AGTPBP1: variants seen among roughly 807,000 people sequenced by gnomAD.
AGTPBP1 encodes cytosolic carboxypeptidase 1.
A neutral mutation model predicts 143.9 loss-of-function variants in AGTPBP1; 70 were observed. The observed-to-expected ratio is 0.49, with a 90% CI of 0.40 to 0.59. The LOEUF is 0.59. Ranked by LOEUF, AGTPBP1 falls within the 20% of genes least tolerant of loss-of-function variation. The probability of loss-of-function intolerance (pLI) is 0.00; values close to 1 mark genes in which losing one functional copy is unlikely to be tolerated. For missense variants in AGTPBP1, 1,229 were observed against 1,464.5 expected, an observed-to-expected ratio of 0.84 and a Z score of 2.62; for synonymous variants, 463 against 500.2, an observed-to-expected ratio of 0.93 and a Z score of 0.99.
intron 6 of AGTPBP1, among the ~76,000 whole-genome samples, chr9:85,674,113 A>C (rs1162494808): frequency 3.7e-5 from 5 of 136,644 alleles, no homozygotes; most frequent in African/African-American, 1.4e-4. Flanking sequence ...ACTGAGCAAG[A>C]CTCCATCTTA....
At chr9:85,786,308 C>G in the AGTPBP1 span, 27 of 1,602,478 alleles carry the variant, frequency 1.7e-5, no homozygotes, top group South Asian at 2.8e-4. Flanking sequence ...TCTTTAGCAC[C>G]CCCCAGTGGG....
At position 85,589,533 on chromosome 9, in the gene AGTPBP1, T is replaced by G; in HGVS notation, c.2717A>C (p.His906Pro). Residue 906 changes from histidine to proline, a missense_variant, in exon 20 of 26, where the codon CAT becomes CCT. By Grantham distance (77) the His-to-Pro change is moderately conservative. Transcript: ENST00000357081. ...AGTTGGGAAGACAAACTTACTGAAA[T>G]GGCAGATATGTTCATAATAATTAGA... The part of the protein sequence containing the change: ...PESNYYEHIC[H>P]FRNRPYVFLS... 1 of 1,600,200 alleles carries G rather than the reference T, an allele frequency of 6.2e-7. No homozygotes were observed. Among genetic ancestry groups the G allele is most frequent in the South Asian group, 1.1e-5 (1 of 87,934 alleles).
At chr9:85,607,775 T>C (rs1054911378) in intron 17 of AGTPBP1, among the ~76,000 whole-genome samples, 1 of 152,102 alleles carries the variant, frequency 6.6e-6, no homozygotes, top group African/African-American at 2.4e-5. Context: ...ATTTGTAAAA[T>C]GTTGGAGTTG....
At chr9:85,569,869 T>C (rs1827349531) in intron 25 of AGTPBP1, among the ~76,000 whole-genome samples, 1 of 152,218 alleles carries the variant, frequency 6.6e-6, no homozygotes, top group African/African-American at 2.4e-5. Context: ...TAAAGACATA[T>C]ACAATTACTA....
intron 17 of AGTPBP1, among the ~76,000 whole-genome samples, chr9:85,599,677 T>G (rs1312373933): frequency 6.6e-6 from 1 of 152,228 alleles, no homozygotes; most frequent in Non-Finnish European, 1.5e-5. Context: ...AGAGATCAGA[T>G]AGCATATTTT....
intron 14 of AGTPBP1, among the ~76,000 whole-genome samples, chr9:85,626,988 C>G (rs761015938): frequency 6.6e-6 from 1 of 152,126 alleles, no homozygotes; most frequent in African/African-American, 2.4e-5. Context: ...CGCAGTATGC[C>G]AACCCTAACC....
intron 2 of AGTPBP1, among the ~76,000 whole-genome samples, chr9:85,712,107 T>C (rs1176738480): frequency 6.6e-6 from 1 of 151,856 alleles, no homozygotes; most frequent in Non-Finnish European, 1.5e-5. Context: ...CTACTAAAAG[T>C]ACAAAAAATC....
the AGTPBP1 span, among the ~76,000 whole-genome samples, chr9:85,767,945 A>G: frequency 6.6e-6 from 1 of 152,154 alleles, no homozygotes; most frequent in Non-Finnish European, 1.5e-5. Flanking sequence ...GCTGGATCAG[A>G]ATCTGAATTC....
At chr9:85,767,630 G>A in the AGTPBP1 span, among the ~76,000 whole-genome samples, 1 of 151,266 alleles carries the variant, frequency 6.6e-6, no homozygotes, top group Non-Finnish European at 1.5e-5. Context: ...ACAGGCGTAA[G>A]CCACCGCGCC....
upstream of AGTPBP1, among the ~76,000 whole-genome samples, chr9:85,745,625 G>T (rs1036370709): frequency 6.6e-6 from 1 of 152,196 alleles, no homozygotes; most frequent in African/African-American, 2.4e-5. Flanking sequence ...ACATTGAATG[G>T]TTCTGATGCA....
chr9:85,724,286 C>CAA (rs56269636), intron 1 of AGTPBP1, among the ~76,000 whole-genome samples: 6 of 77,744 alleles, frequency 7.7e-5, no homozygotes, highest in South Asian at 3.6e-4. Context: ...GACTTTGTCT[C>CAA]AAAAAAAAAA....
At chr9:85,550,650 A>G (rs1825983235) in intron 25 of AGTPBP1, among the ~76,000 whole-genome samples, 1 of 152,088 alleles carries the variant, frequency 6.6e-6, no homozygotes, top group South Asian at 2.1e-4. Flanking sequence ...TGGACTTGCC[A>G]GATATAGTCC....
chr9:85,618,214 CAG>C (rs1228174561), intron 17 of AGTPBP1, among the ~76,000 whole-genome samples: 1 of 139,292 alleles, frequency 7.2e-6, no homozygotes, highest in Non-Finnish European at 1.5e-5. Flanking sequence ...ACTTGGGTAA[CAG>C]AGCAAAACTC....
At chr9:85,601,135 T>C (rs1331595303) in intron 17 of AGTPBP1, among the ~76,000 whole-genome samples, 1 of 151,958 alleles carries the variant, frequency 6.6e-6, no homozygotes, top group African/African-American at 2.4e-5. Context: ...GAGGCACACA[T>C]TCCCCAGCCA....
chr9:85,742,183 G>A (rs923696645), upstream of AGTPBP1, among the ~76,000 whole-genome samples: 1 of 152,068 alleles, frequency 6.6e-6, no homozygotes, highest in Non-Finnish European at 1.5e-5. Flanking sequence ...GAGCGCGCAC[G>A]GGAGCGGGAA....
chr9:85,721,321 A>T (rs898698269), intron 1 of AGTPBP1, among the ~76,000 whole-genome samples: 3 of 152,074 alleles, frequency 2.0e-5, no homozygotes, highest in African/African-American at 7.2e-5. Flanking sequence ...GTCTCTAAGG[A>T]CTTGCTTTAT....
chr9:85,765,090 C>T, the AGTPBP1 span: 8 of 520,270 alleles, frequency 1.5e-5, no homozygotes, highest in Admixed American at 9.4e-5. Context: ...CCATAAACCA[C>T]GCTTGACTAG....
At chr9:85,658,800 C>T (rs761077664) in intron 9 of AGTPBP1, among the ~76,000 whole-genome samples, 1 of 152,054 alleles carries the variant, frequency 6.6e-6, no homozygotes, top group South Asian at 2.1e-4. Flanking sequence ...ACTAGAGCTA[C>T]GGAAAAGATT....
At chr9:85,665,474 G>A (rs1834077369) in intron 8 of AGTPBP1, among the ~76,000 whole-genome samples, 1 of 152,102 alleles carries the variant, frequency 6.6e-6, no homozygotes, top group African/African-American at 2.4e-5. Flanking sequence ...CTGTTGTTTT[G>A]AGCCACTCAG....
Sources: allele counts gnomAD v4.1 joint callset (sites outside exome capture counted in the v4.1 genomes callset), GRCh38; gene constraint gnomAD v4.1.1; transcripts MANE v1.5; gene names NCBI Gene and HGNC (gene_info 2026-07-23, HGNC 2026-07-21).